CDH18: variants seen among roughly 807,000 people sequenced by gnomAD.
The protein encoded by CDH18 is cadherin 18.
CDH18 carries 31 observed loss-of-function variants against 67.9 expected under a neutral mutation model. The observed-to-expected ratio is 0.46, with a 90% CI of 0.34 to 0.62. The LOEUF (loss-of-function observed/expected upper bound fraction) is 0.62. Ranked by LOEUF, CDH18 falls within the 20% of genes least tolerant of loss-of-function variation. The pLI is 0.01. For synonymous variants in CDH18, 362 were observed against 347.2 expected, an observed-to-expected ratio of 1.04 and a Z score of -0.48; for missense variants, 890 against 975.5, an observed-to-expected ratio of 0.91 and a Z score of 1.17.
intron 5 of CDH18, among the ~76,000 whole-genome samples, chr5:19,623,576 T>C (rs1252052925): frequency 6.6e-6 from 1 of 152,082 alleles, no homozygotes; most frequent in Non-Finnish European, 1.5e-5. Context: ...CATATTTTTA[T>C]CTTATTCTGC....
At chr5:20,365,815 C>T (rs959526919) in intron 1 of CDH18, among the ~76,000 whole-genome samples, 3 of 151,904 alleles carry the variant, frequency 2.0e-5, no homozygotes. Flanking sequence ...ATTTATCTGT[C>T]TTATTAAAAC....
intron 1 of CDH18, among the ~76,000 whole-genome samples, chr5:20,457,781 A>C (rs1255149198): frequency 5.9e-5 from 9 of 152,164 alleles, no homozygotes; most frequent in Non-Finnish European, 1.5e-5. Context: ...ATATAAGACA[A>C]GGCTGGACAA....
At chr5:19,544,522 G>C (rs1735984985) in intron 8 of CDH18, among the ~76,000 whole-genome samples, 1 of 151,238 alleles carries the variant, frequency 6.6e-6, no homozygotes, top group Non-Finnish European at 1.5e-5. Context: ...CTAAACCCTT[G>C]TTTAGTCAAA....
At chr5:19,833,890 A>G (rs1178473000) in intron 3 of CDH18, among the ~76,000 whole-genome samples, 1 of 139,466 alleles carries the variant, frequency 7.2e-6, no homozygotes, top group Non-Finnish European at 1.5e-5. Flanking sequence ...TTGGGTGAGT[A>G]AGTTTTTTGA....
At chr5:19,619,667 T>G (rs1191535385) in intron 5 of CDH18, among the ~76,000 whole-genome samples, 1 of 152,200 alleles carries the variant, frequency 6.6e-6, no homozygotes, top group Non-Finnish European at 1.5e-5. Flanking sequence ...CATTCAATAT[T>G]TTGTTTCTCA....
At chr5:20,398,257 G>C (rs10065696) in intron 1 of CDH18, among the ~76,000 whole-genome samples, 7,232 of 152,186 alleles carry the variant, frequency 0.048, 466 homozygotes, top group African/African-American at 0.15. Flanking sequence ...CTGTGAACCT[G>C]AATGATAAGC....
rs77717503 is a variant in CDH18, at chr5:19,999,731, C to T, written c.-517-7717G>A. Among the ~76,000 whole-genome samples, 955 of 152,160 alleles carry T rather than the reference C, an allele frequency of 6.3e-3. 30 individuals carry two copies. The highest frequency in any genetic ancestry group is 0.05 in the East Asian group (259 of 5,160). The stretch of plus-strand genomic sequence containing the variant: ...AGAAAACAGTGCAAAATGAAAATGT[C>T]GGGATTGTTAAAAATTATTGGGAAT... On this transcript the variant is annotated intron_variant, in intron 2 of 14. Coordinates refer to the CDH18 transcript ENST00000507958.
chr5:20,199,150 T>A (rs1739236284), intron 2 of CDH18, among the ~76,000 whole-genome samples: 1 of 152,124 alleles, frequency 6.6e-6, no homozygotes, highest in South Asian at 2.1e-4. Flanking sequence ...GGGGCTATTG[T>A]CCTCCAGATC....
intron 1 of CDH18, among the ~76,000 whole-genome samples, chr5:20,279,062 A>G (rs1158866568): frequency 1.3e-5 from 2 of 152,148 alleles, no homozygotes; most frequent in African/African-American, 4.8e-5. Context: ...ATCAATAATT[A>G]CATTGAATGT....
At chr5:20,413,544 G>A (rs762529692) in intron 1 of CDH18, among the ~76,000 whole-genome samples, 4 of 152,128 alleles carry the variant, frequency 2.6e-5, no homozygotes, top group Non-Finnish European at 5.9e-5. Flanking sequence ...GTTTTGATTT[G>A]CATTTCTCTG....
At chr5:20,491,397 G>A (rs1753575780) in intron 1 of CDH18, among the ~76,000 whole-genome samples, 1 of 152,106 alleles carries the variant, frequency 6.6e-6, no homozygotes, top group Non-Finnish European at 1.5e-5. Context: ...ATATAAGTCT[G>A]GGTCCTCCAA....
intron 4 of CDH18, among the ~76,000 whole-genome samples, chr5:19,745,559 A>G (rs1769878693): frequency 6.6e-6 from 1 of 152,206 alleles, no homozygotes; most frequent in Non-Finnish European, 1.5e-5. Context: ...TTGATGTGGC[A>G]GAGAGAATTC....
At chr5:20,073,976 G>C (rs1374236779) in intron 2 of CDH18, among the ~76,000 whole-genome samples, 1 of 151,992 alleles carries the variant, frequency 6.6e-6, no homozygotes, top group Non-Finnish European at 1.5e-5. Context: ...GAAGGTCCTA[G>C]TTTTTGAAAT....
At chr5:20,477,611 C>G (rs1309204585) in intron 1 of CDH18, among the ~76,000 whole-genome samples, 1 of 152,230 alleles carries the variant, frequency 6.6e-6, no homozygotes, top group African/African-American at 2.4e-5. Context: ...AGGGGACTCT[C>G]CCATCCCAGT....
chr5:20,065,951 G>A (rs116626615), intron 2 of CDH18, among the ~76,000 whole-genome samples: 1,752 of 151,936 alleles, frequency 0.012, 38 homozygotes, highest in African/African-American at 0.04. Context: ...AAATAACTAC[G>A]AAAGATTAAT....
intron 1 of CDH18, among the ~76,000 whole-genome samples, chr5:20,413,178 A>G (rs765265967): frequency 1.0e-3 from 155 of 152,318 alleles, no homozygotes; most frequent in South Asian, 1.9e-3. Flanking sequence ...TCCGTGGTGT[A>G]TATGTGCCAC....
chr5:19,933,329 T>C (rs572471848), intron 2 of CDH18, among the ~76,000 whole-genome samples: 1 of 151,744 alleles, frequency 6.6e-6, no homozygotes, highest in African/African-American at 2.4e-5. Context: ...TGCAATTTCA[T>C]GTAATCTATT....
chr5:20,247,633 G>A (rs1368842044), intron 2 of CDH18, among the ~76,000 whole-genome samples: 3 of 151,678 alleles, frequency 2.0e-5, no homozygotes, highest in Non-Finnish European at 2.9e-5. Flanking sequence ...GCATGGTGGC[G>A]ATCACCTGTA....
At chr5:20,356,562 C>A (rs1417596618) in intron 1 of CDH18, among the ~76,000 whole-genome samples, 2 of 151,752 alleles carry the variant, frequency 1.3e-5, no homozygotes, top group South Asian at 2.1e-4. Flanking sequence ...TAGATTAAAT[C>A]AAGAGTAAAG....
Sources: allele counts gnomAD v4.1 joint callset (sites outside exome capture counted in the v4.1 genomes callset), GRCh38; gene constraint gnomAD v4.1.1; transcripts MANE v1.5; gene names NCBI Gene and HGNC (gene_info 2026-07-23, HGNC 2026-07-21).